Variants in ARHGAP5 observed in about 807,000 individuals in gnomAD.
ARHGAP5 encodes the protein rho GTPase-activating protein 5.
ARHGAP5 carries 23 observed loss-of-function variants against 116.6 expected under a neutral mutation model. The ratio of observed to expected loss-of-function variants is 0.20; its 90% confidence interval spans 0.14 to 0.28. The LOEUF (loss-of-function observed/expected upper bound fraction) is 0.28. ARHGAP5 is among the 10% of genes least tolerant of loss of function. ARHGAP5 has a pLI of 1.00. For missense variants in ARHGAP5, 1,405 were observed against 1,774.8 expected (o/e 0.79, Z 3.74); for synonymous variants, 574 against 602.0 (o/e 0.95, Z 0.68).
At chr14:32,116,844 G>A (rs1284057123) in intron 2 of ARHGAP5, among the ~76,000 whole-genome samples, 1 of 152,126 alleles carries the variant, frequency 6.6e-6, no homozygotes, top group Non-Finnish European at 1.5e-5. Context: ...CCCCTAGTTT[G>A]TCCCTTGTGT....
chr14:32,115,265 C>T (rs1594365280), intron 2 of ARHGAP5, among the ~76,000 whole-genome samples: 1 of 152,200 alleles, frequency 6.6e-6, no homozygotes, highest in Non-Finnish European at 1.5e-5. Flanking sequence ...CATTTTCCCT[C>T]TAATGCTACA....
Position 32,156,542 on chromosome 14 carries a change from A to C in ARHGAP5, c.*1594A>C, listed in dbSNP as rs1881900619. 6.6e-6 allele frequency: 1 copy of C among 152,318 alleles called. No individual in the cohort carries two copies. The highest frequency in any genetic ancestry group is 2.4e-5 in the African/African-American group (1 of 41,428). The allele number at this position is 152,318 out of a possible 1,614,324, so 9.4% of individuals were successfully genotyped here. A position where few individuals can be genotyped will look rare whatever the true frequency, so the allele number is the denominator to read the frequency against. ...TATTATAAATTATCTTATTTGTGTT[A>C]TACTCTTACATGTTATCTTTTCTAA... On this transcript the variant is annotated 3_prime_UTR_variant, in exon 7 of 7. Transcript: ENST00000345122.
intron 3 of ARHGAP5, among the ~76,000 whole-genome samples, chr14:32,123,343 C>G (rs983211564): frequency 2.0e-5 from 3 of 151,808 alleles, no homozygotes; most frequent in Admixed American, 6.6e-5. Flanking sequence ...TGTTAGACCT[C>G]TAGGAATTGT....
At chr14:32,148,192 AT>A (rs1442204736) in intron 4 of ARHGAP5, among the ~76,000 whole-genome samples, 1 of 151,724 alleles carries the variant, frequency 6.6e-6, no homozygotes, top group Non-Finnish European at 1.5e-5. Flanking sequence ...CTATCTATCT[AT>A]CTATCTATCT....
rs144154325 is a variant in ARHGAP5 at position 32,120,561 on chromosome 14, T to C, written c.3865+3274T>C. On this transcript the variant is annotated intron_variant, in intron 3 of 6. Transcript: ENST00000345122. Reference sequence around the variant, plus strand: ...TTGTTTTAGCTGTATTCCATATAGATATGCTGTGTTCCATTTTTGTTTAAT... The same window carrying C: ...TTGTTTTAGCTGTATTCCATATAGACATGCTGTGTTCCATTTTTGTTTAAT... Among the ~76,000 whole-genome samples the C allele has an allele frequency of 2.8e-3, 423 of 152,020 alleles. 4 individuals carry two copies. Among genetic ancestry groups the C allele is most frequent in the African/African-American group, 9.7e-3 (402 of 41,556 alleles).
Position 32,135,882 on chromosome 14 carries a change from T to G in ARHGAP5, c.3866-10381T>G, listed in dbSNP as rs550591903. On this transcript the variant is annotated intron_variant, in intron 3 of 6. Coordinates refer to ENST00000345122, the MANE Select transcript of ARHGAP5 (RefSeq NM_001030055.2). ...CATTACCAAATGATCAAATAATTAT[T>G]TAATTTTTTGATAACTGATGAATGT... Among the ~76,000 whole-genome samples, 3 of 152,362 alleles carry G rather than the reference T, an allele frequency of 2.0e-5. No homozygotes were observed. In the South Asian group the frequency reaches 6.2e-4, roughly 32 times the overall value.
chr14:32,149,403 AT>A (rs1029168025), intron 4 of ARHGAP5, among the ~76,000 whole-genome samples: 1 of 151,972 alleles, frequency 6.6e-6, no homozygotes, highest in Non-Finnish European at 1.5e-5. Context: ...GCCTAACAGC[AT>A]TTTTTTATTA....
chr14:32,141,403 A>G (rs771233590), intron 3 of ARHGAP5, among the ~76,000 whole-genome samples: 84 of 152,232 alleles, frequency 5.5e-4, no homozygotes, highest in Admixed American at 3.9e-3. Flanking sequence ...CCGCTCCTTT[A>G]CAGCTTCATT....
chr14:32,093,734 A>G lies in ARHGAP5; in HGVS notation c.3065A>G (p.His1022Arg). 1 of 1,614,128 alleles carries G rather than the reference A, an allele frequency of 6.2e-7. No homozygotes were observed. Among genetic ancestry groups the G allele is most frequent in the South Asian group, 1.1e-5 (1 of 91,086 alleles). ...LDLEGNEYPI[H>R]STPNCHDHER... ...TTGGAAGGAAATGAGTATCCTATTC[A>G]TAGTACCCCAAACTGTCATGACCAT... is the stretch of plus-strand genomic sequence containing the variant. The change falls in exon 2 of 7, where the codon CAT becomes CGT. Residue 1022 changes from histidine to arginine, a missense_variant. By Grantham distance (29) the His-to-Arg change is conservative (BLOSUM62 0). Around this residue, in one of 6 missense-constraint regions of ARHGAP5, gnomAD observed 944 missense variants for 1,095.3 expected, o/e 0.86. Coordinates refer to ENST00000345122, the MANE Select transcript of ARHGAP5 (RefSeq NM_001030055.2).
chr14:32,088,116 A>C (rs1478133270), intron 1 of ARHGAP5, among the ~76,000 whole-genome samples: 1 of 152,030 alleles, frequency 6.6e-6, no homozygotes, highest in Non-Finnish European at 1.5e-5. Flanking sequence ...AGTGAGTCTT[A>C]ATGAGTAATA....
chr14:32,082,957 C>G lies in ARHGAP5; in HGVS notation c.-169+5522C>G, dbSNP rs551948269. 9.8e-3 allele frequency among the ~76,000 whole-genome samples: 1,494 copies of G among 152,356 alleles called. 16 individuals are homozygous for G. Among genetic ancestry groups the G allele is most frequent in the Non-Finnish European group, 0.014 (940 of 68,038 alleles). On this transcript the variant is annotated intron_variant, in intron 1 of 6. Coordinates refer to ENST00000345122, the MANE Select transcript of ARHGAP5 (RefSeq NM_001030055.2). ...CCTCTAGACTAATCTGTAGTGGCTT[C>G]TCTATTGCTTATGACAAAGTCTAAC...
chr14:32,079,030 C>T (rs2041744628), intron 1 of ARHGAP5, among the ~76,000 whole-genome samples: 1 of 152,156 alleles, frequency 6.6e-6, no homozygotes, highest in Non-Finnish European at 1.5e-5. Context: ...TTACCTTTAT[C>T]TGTAGTACAA....
chr14:32,109,477 T>C (rs1594360700), intron 2 of ARHGAP5, among the ~76,000 whole-genome samples: 1 of 152,090 alleles, frequency 6.6e-6, no homozygotes, highest in Non-Finnish European at 1.5e-5. Context: ...TCTCCCTTTA[T>C]ATAGGGTAGG....
chr14:32,082,910 C>T (rs2041792275), intron 1 of ARHGAP5, among the ~76,000 whole-genome samples: 1 of 152,226 alleles, frequency 6.6e-6, no homozygotes, highest in African/African-American at 2.4e-5. Context: ...CTCTTGGGCT[C>T]TGTGCCCAGT....
At chr14:32,094,433 T>A in intron 2 of ARHGAP5, 47 bp downstream of exon 2, 1 of 1,415,318 alleles carries the variant, frequency 7.1e-7, no homozygotes, top group Non-Finnish European at 9.6e-7. Context: ...TGCTTGTTGT[T>A]ACTTTTTTAA....
intron 3 of ARHGAP5, among the ~76,000 whole-genome samples, chr14:32,138,582 C>A (rs755331427): frequency 6.6e-6 from 1 of 152,234 alleles, no homozygotes; most frequent in Non-Finnish European, 1.5e-5. Flanking sequence ...CTGCGCCTGG[C>A]CAACTCTTAC....
intron 3 of ARHGAP5, among the ~76,000 whole-genome samples, chr14:32,142,176 A>G (rs1392127553): frequency 2.6e-5 from 4 of 152,004 alleles, no homozygotes; most frequent in Non-Finnish European, 4.4e-5. Flanking sequence ...TTCTTTGTTC[A>G]TGGTTTCCTT....
Position 32,091,404 on chromosome 14 carries a change from G to T in ARHGAP5, c.735G>T (p.Met245Ile). 2 of 1,610,822 alleles carry T rather than the reference G, an allele frequency of 1.2e-6. No homozygotes were observed. The highest frequency in any genetic ancestry group is 1.7e-6 in the Non-Finnish European group (2 of 1,178,528). ...IETCFTALVQMLDKTRSKPKI... is the reference protein window; with the variant it reads ...IETCFTALVQILDKTRSKPKI... ...CATGTTTTACTGCACTGGTACAAAT[G>T]TTGGATAAAACTCGTAGCAAGCCTA... The change falls in exon 2 of 7, where the codon ATG (methionine) becomes ATT (isoleucine). Residue 245 changes from methionine (M) to isoleucine (I), a missense_variant. Met to Ile is a conservative substitution (Grantham distance 10). Around this residue, in one of 6 missense-constraint regions of ARHGAP5, gnomAD observed 190 missense variants for 314.9 expected, o/e 0.60. Coordinates refer to ENST00000345122, the MANE Select transcript of ARHGAP5 (RefSeq NM_001030055.2).
intron 3 of ARHGAP5, among the ~76,000 whole-genome samples, chr14:32,140,097 C>CTTTTTTTTTTTTTTTTTT (rs1182430088): frequency 3.9e-5 from 1 of 25,386 alleles, no homozygotes; most frequent in Non-Finnish European, 7.3e-5. Context: ...GTTATTTGTT[C>CTTTTTTTTTTTTTTTTTT]TTTTTTTTTT....
Sources: gnomAD v4.1 joint callset for allele counts (sites outside exome capture counted in the v4.1 genomes callset) on GRCh38, gnomAD v4.1.1 for gene constraint, gnomAD v4.1.1 regional missense constraint, MANE v1.5 for transcripts, NCBI Gene and HGNC (gene_info 2026-07-23, HGNC 2026-07-21) for gene names.